The following GRB10 variants were observed in gnomAD, a reference collection of about 807,000 sequenced individuals.
GRB10 encodes growth factor receptor-bound protein 10.
In GRB10, 20 loss-of-function variants were observed where a neutral mutation model predicts 80.9. The ratio of observed to expected loss-of-function variants is 0.25; its 90% CI spans 0.17 to 0.36. The LOEUF is 0.36. Ranked by LOEUF, GRB10 falls within the 10% of genes least tolerant of loss-of-function variation. GRB10 has a pLI of 1.00. For synonymous variants in GRB10, 291 were observed against 291.5 expected (o/e 1.00, Z 0.02); for missense variants, 548 against 747.7 (o/e 0.73, Z 3.12).
At chr7:50,604,429 G>C in intron 15 of GRB10, 52 bp from the exon 16 acceptor site, 1 of 1,454,200 alleles carries the variant, frequency 6.9e-7, no homozygotes, top group Non-Finnish European at 9.7e-7. Flanking sequence ...GACACACCAA[G>C]TCACCCAATA....
chr7:50,721,869 G>A (rs1168991129), intron 4 of GRB10, among the ~76,000 whole-genome samples: 2 of 152,228 alleles, frequency 1.3e-5, no homozygotes, highest in Non-Finnish European at 2.9e-5. Flanking sequence ...GGTGTGGCAG[G>A]GACTGCTGTG....
chr7:50,633,075 G>C (rs1420558514), intron 7 of GRB10, among the ~76,000 whole-genome samples: 1 of 152,184 alleles, frequency 6.6e-6, no homozygotes, highest in Non-Finnish European at 1.5e-5. Flanking sequence ...TATTGCAACT[G>C]CCTCTCAACT....
chr7:50,765,373 C>T (rs2076233338), intron 2 of GRB10, among the ~76,000 whole-genome samples: 2 of 152,212 alleles, frequency 1.3e-5, no homozygotes, highest in Non-Finnish European at 2.9e-5. Flanking sequence ...CCCGTGTTTA[C>T]TGCAGCATTA....
intron 4 of GRB10, among the ~76,000 whole-genome samples, chr7:50,710,132 T>C (rs1437637442): frequency 6.6e-6 from 1 of 152,070 alleles, no homozygotes; most frequent in Non-Finnish European, 1.5e-5. Context: ...CCTCGTACCT[T>C]ACCCAGCAGC....
At chr7:50,649,983 T>G (rs1028947527) in intron 7 of GRB10, among the ~76,000 whole-genome samples, 1 of 152,172 alleles carries the variant, frequency 6.6e-6, no homozygotes, top group Non-Finnish European at 1.5e-5. Flanking sequence ...ATCTGGGTCA[T>G]GAGCAGAGAG....
At chr7:50,762,717 A>G (rs1435133932) in intron 2 of GRB10, among the ~76,000 whole-genome samples, 1 of 152,244 alleles carries the variant, frequency 6.6e-6, no homozygotes, top group East Asian at 1.9e-4. Context: ...AAAATGTTAT[A>G]AAATCTGAGT....
At chr7:50,725,676 A>T (rs1052342523) in intron 4 of GRB10, among the ~76,000 whole-genome samples, 1 of 152,246 alleles carries the variant, frequency 6.6e-6, no homozygotes, top group Non-Finnish European at 1.5e-5. Flanking sequence ...GGAAAATTAA[A>T]AGAACACAAA....
chr7:50,600,013 A>G (rs2047328162), intron 17 of GRB10, among the ~76,000 whole-genome samples: 2 of 152,106 alleles, frequency 1.3e-5, no homozygotes, highest in Admixed American at 1.3e-4. Flanking sequence ...TGGGGAGGAC[A>G]CTTAGTGGCC....
intron 4 of GRB10, chr7:50,726,046 G>C (rs931082361): frequency 1.3e-5 from 2 of 152,182 alleles, no homozygotes; most frequent in African/African-American, 4.8e-5. Context: ...CTGGAAAAAA[G>C]AAATAGAAAA....
At chr7:50,679,177 T>C (rs1019062856) in intron 5 of GRB10, among the ~76,000 whole-genome samples, 3 of 152,248 alleles carry the variant, frequency 2.0e-5, no homozygotes, top group Admixed American at 6.5e-5. Context: ...CCCCAAATAT[T>C]TGAGTAGCTT....
chr7:50,712,238 A>C (rs2066005471), intron 4 of GRB10, among the ~76,000 whole-genome samples: 1 of 152,204 alleles, frequency 6.6e-6, no homozygotes, highest in Non-Finnish European at 1.5e-5. Context: ...CATTTTTCTC[A>C]CCCAAAGTGA....
At chr7:50,619,043 C>CT in intron 9 of GRB10, 127 bp downstream of exon 9, 1 of 698,526 alleles carries the variant, frequency 1.4e-6, no homozygotes, top group South Asian at 1.5e-5. Context: ...AACTACAACT[C>CT]TGATTCTCAA....
At chr7:50,601,714 T>C (rs1278031927) in intron 17 of GRB10, among the ~76,000 whole-genome samples, 1 of 151,924 alleles carries the variant, frequency 6.6e-6, no homozygotes, top group African/African-American at 2.4e-5. Flanking sequence ...AATCCTGTAA[T>C]CTCAAATTTG....
At chr7:50,708,641 T>C (rs2065369134) in intron 4 of GRB10, among the ~76,000 whole-genome samples, 1 of 150,748 alleles carries the variant, frequency 6.6e-6, no homozygotes, top group Admixed American at 6.6e-5. Flanking sequence ...TGGGAAGGAC[T>C]GGGAAGGGAA....
At chr7:50,740,140 G>C (rs545555907) in intron 3 of GRB10, among the ~76,000 whole-genome samples, 1 of 152,146 alleles carries the variant, frequency 6.6e-6, no homozygotes, top group Non-Finnish European at 1.5e-5. Flanking sequence ...TACATTGAAC[G>C]TGTGTTTCAG....
Position 50,621,651 on chromosome 7 carries a change from T to C in GRB10, c.662-2366A>G, listed in dbSNP as rs114504613. On this transcript the variant is annotated intron_variant, in intron 8 of 18. Coordinates refer to ENST00000401949, the MANE Select transcript of GRB10 (RefSeq NM_001350814.2). ...TAATTTTCTCCATGATTTAAAGATATGTATTTTCAAATGACCTTGCATGAT... is the reference window on the plus strand; with the variant it reads ...TAATTTTCTCCATGATTTAAAGATACGTATTTTCAAATGACCTTGCATGAT... Among the ~76,000 whole-genome samples the C allele has an allele frequency of 7.4e-4, 112 of 152,346 alleles. 1 individual carries two copies. Among genetic ancestry groups the C allele is most frequent in the African/African-American group, 2.6e-3 (108 of 41,584 alleles).
intron 4 of GRB10, among the ~76,000 whole-genome samples, chr7:50,719,226 A>G (rs540978666): frequency 7.9e-5 from 12 of 152,344 alleles, no homozygotes; most frequent in African/African-American, 2.6e-4. Flanking sequence ...GGCCTCACTG[A>G]AAAGGGGTCC....
At chr7:50,653,760 T>C (rs1181315833) in intron 7 of GRB10, among the ~76,000 whole-genome samples, 1 of 152,170 alleles carries the variant, frequency 6.6e-6, no homozygotes, top group Non-Finnish European at 1.5e-5. Context: ...ACAGGGTCCA[T>C]GACTAGCCAC....
At chr7:50,615,981 A>G (rs2715126) in intron 11 of GRB10, among the ~76,000 whole-genome samples, 47,649 of 152,024 alleles carry the variant, frequency 0.31, 7,772 homozygotes, top group African/African-American at 0.36. Flanking sequence ...GGGTGGGGCT[A>G]GGCAGGTGGG....
Sources: gnomAD v4.1 joint callset for allele counts (sites outside exome capture counted in the v4.1 genomes callset) on GRCh38, gnomAD v4.1.1 for gene constraint, MANE v1.5 for transcripts, NCBI Gene and HGNC (gene_info 2026-07-23, HGNC 2026-07-21) for gene names.